HESX1: variants seen among roughly 807,000 people sequenced by gnomAD.
HESX1 encodes HESX homeobox 1.
HESX1 carries 11 observed loss-of-function variants against 22.5 expected under a neutral mutation model. The ratio of observed to expected loss-of-function variants is 0.49; its 90% confidence interval spans 0.31 to 0.81. HESX1 has a LOEUF of 0.81. HESX1 is among the 30% of genes least tolerant of loss of function. The probability of loss-of-function intolerance (pLI) is 0.05; values close to 1 mark genes in which losing one functional copy is unlikely to be tolerated. For synonymous variants in HESX1, 74 were observed against 76.5 expected (o/e 0.97, Z 0.17); for missense variants, 201 against 212.6 (o/e 0.95, Z 0.34).
intron 1 of HESX1, among the ~76,000 whole-genome samples, chr3:57,222,332 C>T (rs1171320963): frequency 6.6e-6 from 1 of 152,198 alleles, no homozygotes; most frequent in Non-Finnish European, 1.5e-5. Context: ...GATCACGGCT[C>T]ACTGCAGCCT....
chr3:57,208,892 C>CA (rs569627124), intron 1 of HESX1, among the ~76,000 whole-genome samples: 81 of 151,076 alleles, frequency 5.4e-4, no homozygotes, highest in Middle Eastern at 3.4e-3. Context: ...ACTGGGGAGG[C>CA]GAAGTTGCAG....
At chr3:57,225,057 GAA>G (rs1313422740) in intron 1 of HESX1, among the ~76,000 whole-genome samples, 1 of 152,176 alleles carries the variant, frequency 6.6e-6, no homozygotes, top group Non-Finnish European at 1.5e-5. Context: ...CTGTATGAAA[GAA>G]AACTGGCTTA....
intron 1 of HESX1, among the ~76,000 whole-genome samples, chr3:57,214,885 C>T (rs895037891): frequency 6.6e-6 from 1 of 151,990 alleles, no homozygotes; most frequent in African/African-American, 2.4e-5. Context: ...GTATCATTAA[C>T]TAAGAAGGGA....
intron 1 of HESX1, among the ~76,000 whole-genome samples, chr3:57,214,324 T>C (rs1464525019): frequency 6.6e-6 from 1 of 152,216 alleles, no homozygotes; most frequent in African/African-American, 2.4e-5. Flanking sequence ...TTTAGTCTTC[T>C]AGGAACACCA....
chr3:57,225,219 T>G (rs2060635244), intron 1 of HESX1, among the ~76,000 whole-genome samples: 1 of 152,224 alleles, frequency 6.6e-6, no homozygotes, highest in Non-Finnish European at 1.5e-5. Context: ...TACAGTGGCC[T>G]AAAGCTAGAG....
At chr3:57,217,373 TC>T (rs2060588306) in intron 1 of HESX1, among the ~76,000 whole-genome samples, 1 of 152,206 alleles carries the variant, frequency 6.6e-6, no homozygotes, top group Non-Finnish European at 1.5e-5. Context: ...TCCAATTTTC[TC>T]CCTTTCCATA....
At chr3:57,220,574 C>T (rs1240508775) in intron 1 of HESX1, among the ~76,000 whole-genome samples, 2 of 151,986 alleles carry the variant, frequency 1.3e-5, no homozygotes, top group African/African-American at 2.4e-5. Flanking sequence ...GGATTACAGG[C>T]GTGCACCACC....
upstream of HESX1, among the ~76,000 whole-genome samples, chr3:57,201,861 A>ATATG (rs2060488614): frequency 6.8e-6 from 1 of 146,324 alleles, no homozygotes; most frequent in Non-Finnish European, 1.5e-5. Context: ...TTACATATCT[A>ATATG]TATCTATCTA....
upstream of HESX1, among the ~76,000 whole-genome samples, chr3:57,227,293 T>A (rs2060652303): frequency 6.6e-6 from 1 of 152,200 alleles, no homozygotes; most frequent in Non-Finnish European, 1.5e-5. Flanking sequence ...CTCAGACATC[T>A]GAGTTAGTCA....
At position 57,198,817 on chromosome 3, in the gene HESX1, G is replaced by T; in HGVS notation, c.293C>A (p.Ser98Tyr). 1 of 1,614,106 alleles carries T rather than the reference G, an allele frequency of 6.2e-7. No homozygotes were observed. ...ENYFSASERL[S>Y]LKRELSWYRG... ...ATACCAACTCAACTCTCTTTTCAAA[G>T]ACAGTCTTTCTGAGGCTGAAAAGTA... Residue 98 changes from serine (S) to tyrosine (Y), a missense_variant, in exon 2 of 4, where the codon TCT (serine) becomes TAT (tyrosine). Physicochemically the swap from Ser to Tyr is moderately radical, Grantham distance 144 (BLOSUM62 -2). Transcript: ENST00000295934.
chr3:57,208,409 C>T (rs1031619374), intron 1 of HESX1, among the ~76,000 whole-genome samples: 1 of 151,994 alleles, frequency 6.6e-6, no homozygotes, highest in African/African-American at 2.4e-5. Flanking sequence ...TGTAGTGGTG[C>T]GATCTCAACT....
chr3:57,221,404 AC>A (rs924205797), intron 1 of HESX1, among the ~76,000 whole-genome samples: 2 of 151,748 alleles, frequency 1.3e-5, no homozygotes, highest in African/African-American at 4.8e-5. Flanking sequence ...CCATCCTCCC[AC>A]CTCAGCCTCC....
chr3:57,213,419 T>C (rs537141970), intron 1 of HESX1, among the ~76,000 whole-genome samples: 5 of 152,244 alleles, frequency 3.3e-5, no homozygotes, highest in African/African-American at 1.2e-4. Flanking sequence ...ACAAGAAAAC[T>C]CAGGGCTGAG....
chr3:57,212,795 TA>T lies in HESX1; in HGVS notation c.-110-12768del, dbSNP rs773701788. Among the ~76,000 whole-genome samples, 78 of 152,184 alleles carry T rather than the reference TA, an allele frequency of 5.1e-4. 2 individuals are homozygous for T. In the South Asian group the frequency reaches 5.2e-3, roughly 10 times the overall value. On this transcript the variant is annotated intron_variant, in intron 1 of 2. Transcript: ENST00000495160. ...AAATAGGAGGATGCACATATGCACA[TA>T]TTTTTTTTTATTATACTGTAAGTTC...
chr3:57,227,423 T>C (rs551581182), upstream of HESX1, among the ~76,000 whole-genome samples: 63 of 152,358 alleles, frequency 4.1e-4, 1 homozygote, highest in South Asian at 9.1e-3. Flanking sequence ...TGACAAAATA[T>C]GTTGCGGGAA....
At chr3:57,218,685 C>T (rs1321645650) in intron 1 of HESX1, among the ~76,000 whole-genome samples, 2 of 152,094 alleles carry the variant, frequency 1.3e-5, no homozygotes, top group African/African-American at 2.4e-5. Flanking sequence ...TCAGGTGATC[C>T]GCCTGCCTTG....
intron 1 of HESX1, among the ~76,000 whole-genome samples, chr3:57,225,402 A>T (rs1027819044): frequency 2.0e-5 from 3 of 151,710 alleles, no homozygotes; most frequent in Non-Finnish European, 4.4e-5. Flanking sequence ...CCCAGGCTGG[A>T]GTGCAGTTTC....
At chr3:57,215,013 C>A (rs1017882291) in intron 1 of HESX1, among the ~76,000 whole-genome samples, 4 of 151,992 alleles carry the variant, frequency 2.6e-5, no homozygotes, top group Admixed American at 1.3e-4. Context: ...ACAAAGTTCC[C>A]AGAATGAGAT....
In HESX1 at chr3:57,198,725, A is replaced by G. The variant is rs1184331480; in HGVS notation, c.357+28T>C. On this transcript the variant is annotated intron_variant, in intron 2 of 3. Coordinates refer to ENST00000295934, the MANE Select transcript of HESX1 (RefSeq NM_003865.3). The stretch of plus-strand genomic sequence containing the variant: ...TGGTGTCAATTAAAGCCTTTATATT[A>G]TCATTATTGGGTGAAAAAACTTCCC... 3.1e-6 allele frequency: 5 copies of G among 1,603,478 alleles called. No homozygotes were observed. The Admixed American group carries it at 8.3e-5, about 27-fold the overall frequency.
Sources: allele counts gnomAD v4.1 joint callset (sites outside exome capture counted in the v4.1 genomes callset), GRCh38; gene constraint gnomAD v4.1.1; transcripts MANE v1.5; gene names NCBI Gene and HGNC (gene_info 2026-07-23, HGNC 2026-07-21).